The following ABCA13 variants were observed in gnomAD, a reference collection of about 807,000 sequenced individuals.
The protein encoded by ABCA13 is ATP binding cassette subfamily A member 13, also known as ATP-binding cassette sub-family A member 13.
ABCA13 carries 476 observed loss-of-function variants against 478.7 expected under a neutral mutation model. The observed-to-expected ratio is 0.99, with a 90% CI of 0.92 to 1.07. The LOEUF (loss-of-function observed/expected upper bound fraction) is 1.07. Ranked by LOEUF, ABCA13 falls within the 50% of genes least tolerant of loss-of-function variation. The pLI is 0.00. For missense variants in ABCA13, 6,060 were observed against 5,910.6 expected (o/e 1.03, Z -0.83); for synonymous variants, 2,252 against 2,158.9 (o/e 1.04, Z -1.20).
intron 55 of ABCA13, among the ~76,000 whole-genome samples, chr7:48,554,641 G>A (rs957007041): frequency 2.6e-5 from 4 of 151,550 alleles, no homozygotes; most frequent in Admixed American, 6.6e-5. Context: ...CTGTTGTCAT[G>A]TAGAAATGCT....
At chr7:48,362,048 A>G (rs983362138) in intron 31 of ABCA13, among the ~76,000 whole-genome samples, 1 of 152,132 alleles carries the variant, frequency 6.6e-6, no homozygotes, top group African/African-American at 2.4e-5. Context: ...TTTGGTATCA[A>G]GTAATATATA....
chr7:48,183,631 C>T (rs979388065), intron 1 of ABCA13, among the ~76,000 whole-genome samples: 1 of 152,204 alleles, frequency 6.6e-6, no homozygotes, highest in African/African-American at 2.4e-5. Context: ...TTTAGTTTCA[C>T]AAGGACATTC....
At chr7:48,230,353 A>T (rs1788862191) in intron 7 of ABCA13, among the ~76,000 whole-genome samples, 1 of 152,224 alleles carries the variant, frequency 6.6e-6, no homozygotes, top group Non-Finnish European at 1.5e-5. Context: ...AGGCAGGTTG[A>T]TGTGGACTTA....
At chr7:48,288,580 A>G (rs928115975) in intron 20 of ABCA13, among the ~76,000 whole-genome samples, 2 of 152,178 alleles carry the variant, frequency 1.3e-5, no homozygotes, top group African/African-American at 2.4e-5. Flanking sequence ...TGGTGGCAGC[A>G]TGAACTGGGC....
At position 48,389,114 on chromosome 7, in the gene ABCA13, G is replaced by C; in HGVS notation, c.11548G>C (p.Glu3850Gln). Residue 3850 changes from glutamate to glutamine, a missense_variant, in exon 37 of 62, where the codon GAA becomes CAA. Coordinates refer to ENST00000435803, the MANE Select transcript of ABCA13 (RefSeq NM_152701.5). ...AGTCACCCTGGTGTCTGTGACCAAG[G>C]AATATGAGGGCCACAAGGCTGTGGT... ...PGVTLVSVTK[E>Q]YEGHKAVVQD... The C allele has an allele frequency of 6.2e-7, 1 of 1,613,910 alleles. No individual in the cohort carries two copies. Among genetic ancestry groups the C allele is most frequent in the Non-Finnish European group, 8.5e-7 (1 of 1,179,864 alleles).
At chr7:48,477,843 A>G (rs1166674001) in intron 45 of ABCA13, among the ~76,000 whole-genome samples, 1 of 152,052 alleles carries the variant, frequency 6.6e-6, no homozygotes, top group African/African-American at 2.4e-5. Flanking sequence ...ATACATATGT[A>G]ACAAACCTGC....
chr7:48,294,918 T>C (rs1799164847), intron 20 of ABCA13, among the ~76,000 whole-genome samples: 1 of 152,242 alleles, frequency 6.6e-6, no homozygotes. Context: ...TTTTATTGTA[T>C]ATAATGTCAC....
intron 15 of ABCA13, among the ~76,000 whole-genome samples, chr7:48,252,010 T>C (rs1792643785): frequency 6.6e-6 from 1 of 152,192 alleles, no homozygotes. Flanking sequence ...TATGGGTCTC[T>C]TTGGGTTTAT....
At chr7:48,468,177 A>G (rs1450764596) in intron 44 of ABCA13, among the ~76,000 whole-genome samples, 1 of 152,142 alleles carries the variant, frequency 6.6e-6, no homozygotes, top group Non-Finnish European at 1.5e-5. Context: ...AACAAAAGGT[A>G]GAATCAATAA....
intron 55 of ABCA13, among the ~76,000 whole-genome samples, chr7:48,571,484 CT>C (rs71552486): frequency 4.4e-4 from 65 of 146,578 alleles, no homozygotes; most frequent in South Asian, 6.5e-4. Flanking sequence ...TCTAGGCTAG[CT>C]TTTTTTTTTT....
intron 46 of ABCA13, among the ~76,000 whole-genome samples, 154 bp downstream of exon 46, chr7:48,481,308 C>T (rs1403548724): frequency 6.6e-6 from 1 of 152,222 alleles, no homozygotes; most frequent in Non-Finnish European, 1.5e-5. Context: ...CTTCCTGTGT[C>T]CATGTTTTTA....
rs1054991554 is a variant in ABCA13, at chr7:48,247,914, G to A, written c.1660-325G>A. ...CAGATCTCAGCCTAGAGGAATTGTG[G>A]AAGGTGGTACTGAGAGTGAGACTCT... is the stretch of plus-strand genomic sequence containing the variant. On this transcript the variant is annotated intron_variant, in intron 13 of 61. Transcript: ENST00000435803. Among the ~76,000 whole-genome samples the A allele has an allele frequency of 2.0e-5, 3 of 152,172 alleles. No individual in the cohort carries two copies. In the East Asian group the frequency reaches 5.8e-4, roughly 29 times the overall value.
chr7:48,522,289 C>T (rs1832599473), intron 53 of ABCA13, among the ~76,000 whole-genome samples: 1 of 152,156 alleles, frequency 6.6e-6, no homozygotes, highest in Admixed American at 6.5e-5. Flanking sequence ...TGAGATCCCA[C>T]TTCCTTGCTG....
At chr7:48,188,628 TA>T (rs1441068343) in intron 1 of ABCA13, among the ~76,000 whole-genome samples, 5 of 152,182 alleles carry the variant, frequency 3.3e-5, no homozygotes, top group African/African-American at 1.2e-4. Context: ...CTGCCTCCTC[TA>T]ATTTATTTTC....
intron 43 of ABCA13, among the ~76,000 whole-genome samples, chr7:48,466,079 T>C (rs538133153): frequency 2.0e-5 from 3 of 152,306 alleles, no homozygotes; most frequent in Non-Finnish European, 4.4e-5. Flanking sequence ...GCAATGTAAG[T>C]TCTGAAAAGT....
chr7:48,623,642 T>C (rs1237483873), intron 59 of ABCA13, among the ~76,000 whole-genome samples: 1 of 152,142 alleles, frequency 6.6e-6, no homozygotes, highest in African/African-American at 2.4e-5. Context: ...CCAATATATA[T>C]ATGTTCTAGG....
chr7:48,186,609 T>A (rs1796384724), intron 1 of ABCA13, among the ~76,000 whole-genome samples: 1 of 152,092 alleles, frequency 6.6e-6, no homozygotes, highest in African/African-American at 2.4e-5. Context: ...ACTAGTTACT[T>A]AAATATAGCC....
chr7:48,615,200 T>G (rs1189266937), intron 58 of ABCA13, 85 bp from the exon 59 acceptor site: 1 of 839,120 alleles, frequency 1.2e-6, no homozygotes, highest in Non-Finnish European at 1.7e-6. Context: ...AATGGTATCT[T>G]GTCTCCTTTT....
chr7:48,597,120 T>A (rs192345446), intron 58 of ABCA13, among the ~76,000 whole-genome samples: 28 of 152,008 alleles, frequency 1.8e-4, no homozygotes, highest in African/African-American at 6.3e-4. Context: ...CCTGGCTAAT[T>A]TTTTGTATTT....
Sources: allele counts gnomAD v4.1 joint callset (sites outside exome capture counted in the v4.1 genomes callset), GRCh38; gene constraint gnomAD v4.1.1; transcripts MANE v1.5; gene names NCBI Gene and HGNC (gene_info 2026-07-23, HGNC 2026-07-21).